Variants in TEX101 observed in about 807,000 individuals in gnomAD.
TEX101 encodes the protein testis expressed 101, also known as testis-expressed protein 101.
In TEX101, 10 loss-of-function variants were observed where a neutral mutation model predicts 18.1. That is an observed-to-expected ratio of 0.55 (90% CI 0.34 to 0.94). The LOEUF (loss-of-function observed/expected upper bound fraction) is 0.94. Ranked by LOEUF, TEX101 falls within the 40% of genes least tolerant of loss-of-function variation. TEX101 has a pLI of 0.02. For synonymous variants in TEX101, 94 were observed against 114.8 expected (o/e 0.82, Z 1.16); for missense variants, 259 against 298.9 (o/e 0.87, Z 0.98).
At chr19:43,390,877 A>G in the TEX101 span, among the ~76,000 whole-genome samples, 4 of 150,692 alleles carry the variant, frequency 2.7e-5, no homozygotes, top group African/African-American at 1.0e-4. Flanking sequence ...CCCAACTGGA[A>G]TTCTTTACCA....
At chr19:43,390,161 T>C in the TEX101 span, among the ~76,000 whole-genome samples, 1 of 152,262 alleles carries the variant, frequency 6.6e-6, no homozygotes, top group East Asian at 1.9e-4. Context: ...TTCCTTTTTC[T>C]GTTTAATTTT....
At chr19:43,414,051 G>A (rs1458609309), upstream of TEX101, among the ~76,000 whole-genome samples, 1 of 151,704 alleles carries the variant, frequency 6.6e-6, no homozygotes, top group African/African-American at 2.4e-5. Flanking sequence ...TTGAACCCAG[G>A]AGGAGGAGGT....
chr19:43,393,090 A>AGGAT, the TEX101 span, among the ~76,000 whole-genome samples: 2 of 150,814 alleles, frequency 1.3e-5, no homozygotes, highest in African/African-American at 2.4e-5. Context: ...GAAGGAAGGA[A>AGGAT]GGAAGGAAGG....
intron 3 of TEX101, among the ~76,000 whole-genome samples, chr19:43,407,531 G>A (rs567251627): frequency 2.1e-4 from 32 of 152,184 alleles, no homozygotes; most frequent in Middle Eastern, 3.4e-3. Flanking sequence ...AAAGAAAGCC[G>A]GAGCTGGGAT....
chr19:43,409,623 A>AAAAG (rs202046166), intron 3 of TEX101, among the ~76,000 whole-genome samples: 4 of 152,004 alleles, frequency 2.6e-5, no homozygotes, highest in Admixed American at 6.6e-5. Context: ...TAAAAAAAAA[A>AAAAG]AAAGAAAGAA....
chr19:43,406,465 G>C (rs771571981), exon 3 of TEX101: 1 of 769,848 alleles, frequency 1.3e-6, no homozygotes, highest in South Asian at 1.4e-5. Context: ...ACAGGAGAGG[G>C]GGATCGGTGG....
rs865780869 is a variant in TEX101, at chr19:43,418,350, C to T, written c.703C>T (p.Gln235Ter). The T allele has an allele frequency of 1.2e-6, 2 of 1,614,146 alleles. No homozygotes were observed. The highest frequency in any genetic ancestry group is 1.3e-5 in the African/African-American group (1 of 75,046). ...TCLPIPVWGL[Q>*]LLLPLLLPSF... ...TCTTCCCATTCCTGTTTGGGGGTTA[C>T]AGCTACTGCTGCCATTGCTGCTGCC... The change falls in exon 6 of 6, where the codon CAG becomes TAG. Residue 235 changes from glutamine (Q) to a stop codon, truncating the protein, a stop_gained. Transcript: ENST00000598265. LOFTEE classifies it low-confidence loss of function (END_TRUNC).
Position 43,418,305 on chromosome 19 carries a change from A to G in TEX101, c.658A>G (p.Thr220Ala), listed in dbSNP as rs1378362434. 1 of 1,614,030 alleles carries G rather than the reference A, an allele frequency of 6.2e-7. No individual in the cohort carries two copies. The highest frequency in any genetic ancestry group is 8.5e-7 in the Non-Finnish European group (1 of 1,180,022). ...PHQLLTQPRK[T>A]ENGATCLPIP... ...TCAGCTGCTCACTCAACCTCGAAAG[A>G]CTGAAAATGGGGCCACCTGTCTTCC... Residue 220 changes from threonine to alanine, a missense_variant, in exon 6 of 6, where the codon ACT becomes GCT. Transcript: ENST00000598265.
At chr19:43,401,497 AC>A (rs1403418870) in exon 1 of TEX101, 1 of 152,230 alleles carries the variant, frequency 6.6e-6, no homozygotes, top group Non-Finnish European at 1.5e-5. Context: ...CATTTACAGA[AC>A]CATCCATCCC....
At chr19:43,395,433 T>A in the TEX101 span, among the ~76,000 whole-genome samples, 1 of 152,180 alleles carries the variant, frequency 6.6e-6, no homozygotes, top group Non-Finnish European at 1.5e-5. Flanking sequence ...CAGGTGGAGG[T>A]AAGAAAAACC....
intron 4 of TEX101, 60 bp downstream of exon 4, chr19:43,416,615 G>A: frequency 1.3e-6 from 2 of 1,523,788 alleles, no homozygotes; most frequent in African/African-American, 1.4e-5. Flanking sequence ...CTTGTGTATG[G>A]CCTCCCTTTG....
chr19:43,393,878 C>T, the TEX101 span, among the ~76,000 whole-genome samples: 1 of 151,802 alleles, frequency 6.6e-6, no homozygotes, highest in Non-Finnish European at 1.5e-5. Context: ...TGTCCAAGGC[C>T]ACCTTGTCTC....
At chr19:43,418,113 C>A in intron 5 of TEX101, 55 bp from the exon 6 acceptor site, 2 of 1,611,212 alleles carry the variant, frequency 1.2e-6, no homozygotes, top group East Asian at 4.5e-5. Context: ...GGACTGGATT[C>A]TCCTCTGATG....
At chr19:43,403,376 G>T (rs1234051736) in intron 2 of TEX101, among the ~76,000 whole-genome samples, 2 of 152,092 alleles carry the variant, frequency 1.3e-5, no homozygotes, top group African/African-American at 4.8e-5. Flanking sequence ...AACACCACAT[G>T]TTCTCACTCA....
At chr19:43,399,875 G>C (rs916161037), upstream of TEX101, among the ~76,000 whole-genome samples, 2 of 148,972 alleles carry the variant, frequency 1.3e-5, no homozygotes, top group Middle Eastern at 3.2e-3. Context: ...GAGTGCAATG[G>C]TATGATCTCA....
chr19:43,413,630 A>C (rs1970439366), upstream of TEX101, among the ~76,000 whole-genome samples: 1 of 152,024 alleles, frequency 6.6e-6, no homozygotes, highest in East Asian at 1.9e-4. Flanking sequence ...TCTGCAGCTC[A>C]TCCTGCTACA....
At chr19:43,415,859 C>T (rs773738469) in intron 1 of TEX101, 22 bp from the exon 2 acceptor site, 2 of 1,608,474 alleles carry the variant, frequency 1.2e-6, no homozygotes, top group Non-Finnish European at 8.5e-7. Context: ...AGTTAATTGC[C>T]TTCTCTCCAT....
At chr19:43,416,581 T>C in intron 4 of TEX101, 26 bp downstream of exon 4, 1 of 1,599,654 alleles carries the variant, frequency 6.3e-7, no homozygotes, top group Non-Finnish European at 8.5e-7. Flanking sequence ...GGGAGATAGG[T>C]ACTAAGAGAA....
intron 4 of TEX101, among the ~76,000 whole-genome samples, chr19:43,417,349 C>G (rs1599905346): frequency 6.6e-6 from 1 of 152,186 alleles, no homozygotes; most frequent in African/African-American, 2.4e-5. Context: ...ACAGCTGGGC[C>G]TACAAGCTGA....
Sources: gnomAD v4.1 joint callset for allele counts (sites outside exome capture counted in the v4.1 genomes callset) on GRCh38, gnomAD v4.1.1 for gene constraint, MANE v1.5 for transcripts, NCBI Gene and HGNC (gene_info 2026-07-23, HGNC 2026-07-21) for gene names.